AGBL1: variants seen among roughly 807,000 people sequenced by gnomAD.
AGBL1 encodes the protein cytosolic carboxypeptidase 4.
A neutral mutation model predicts 118.9 loss-of-function variants in AGBL1; 130 were observed. That is an observed-to-expected ratio of 1.09 (90% CI 0.95 to 1.26). The LOEUF (loss-of-function observed/expected upper bound fraction) is 1.26. AGBL1 is among the 50% of genes most tolerant of loss of function. AGBL1 has a pLI of 0.00. For synonymous variants in AGBL1, 555 were observed against 478.9 expected (o/e 1.16, Z -2.08); for missense variants, 1,584 against 1,298.1 (o/e 1.22, Z -3.38).
At position 86,680,453 on chromosome 15, in the gene AGBL1, G is replaced by A. The variant is rs28584925; in HGVS notation, c.3158+6017G>A. Among the ~76,000 whole-genome samples the A allele has an allele frequency of 2.3e-3, 351 of 151,760 alleles. 2 individuals are homozygous for A. Among genetic ancestry groups the A allele is most frequent in the African/African-American group, 7.9e-3 (328 of 41,402 alleles). On this transcript the variant is annotated intron_variant, in intron 22 of 22. Coordinates refer to ENST00000614907, the MANE Select transcript of AGBL1 (RefSeq NM_001386094.1). The stretch of plus-strand genomic sequence containing the variant: ...GGTAACACATTAAAACAATGTAGAC[G>A]TGGCCAAATTTACTCTGGTATGTAA...
intron 24 of AGBL1, among the ~76,000 whole-genome samples, chr15:87,018,588 C>T (rs1022905201): frequency 6.6e-6 from 1 of 152,098 alleles, no homozygotes; most frequent in African/African-American, 2.4e-5. Context: ...ACCAGACCTG[C>T]CTTGCAAGAG....
At chr15:86,495,399 T>A (rs28367206) in intron 18 of AGBL1, among the ~76,000 whole-genome samples, 21,672 of 147,002 alleles carry the variant, frequency 0.15, 1,649 homozygotes, top group South Asian at 0.23. Context: ...ATCTTTTTTT[T>A]AAAAAAAAAA....
chr15:86,598,844 A>G (rs138289570), intron 21 of AGBL1, among the ~76,000 whole-genome samples: 3 of 152,300 alleles, frequency 2.0e-5, no homozygotes, highest in African/African-American at 7.2e-5. Flanking sequence ...ATTAGGGTCA[A>G]CTGTTGAATT....
chr15:86,781,608 C>T (rs1346850166), intron 22 of AGBL1, among the ~76,000 whole-genome samples: 1 of 152,096 alleles, frequency 6.6e-6, no homozygotes, highest in Non-Finnish European at 1.5e-5. Context: ...CTCTACATAC[C>T]TTTCTAGGAC....
At chr15:86,288,272 C>T (rs942683909) in intron 16 of AGBL1, among the ~76,000 whole-genome samples, 2 of 152,240 alleles carry the variant, frequency 1.3e-5, no homozygotes, top group Admixed American at 1.3e-4. Context: ...CAGCACTATC[C>T]ATACCTTCTT....
At chr15:86,820,584 C>T (rs1245685202) in intron 22 of AGBL1, among the ~76,000 whole-genome samples, 2 of 152,174 alleles carry the variant, frequency 1.3e-5, no homozygotes, top group Non-Finnish European at 2.9e-5. Flanking sequence ...AAAAAAAGCT[C>T]ATCACCATGT....
chr15:86,831,007 G>A (rs1386815365), intron 22 of AGBL1, among the ~76,000 whole-genome samples: 1 of 152,194 alleles, frequency 6.6e-6, no homozygotes, highest in Non-Finnish European at 1.5e-5. Context: ...AATTATGGCA[G>A]AAGGCAAAGG....
intron 7 of AGBL1, among the ~76,000 whole-genome samples, chr15:86,255,612 G>A (rs545356275): frequency 1.5e-4 from 23 of 152,214 alleles, no homozygotes; most frequent in Middle Eastern, 3.4e-3. Flanking sequence ...GGGAAACCCC[G>A]TCTCTATTCA....
intron 22 of AGBL1, among the ~76,000 whole-genome samples, chr15:86,862,785 A>G (rs2079576950): frequency 6.6e-6 from 1 of 152,208 alleles, no homozygotes; most frequent in African/African-American, 2.4e-5. Flanking sequence ...GGCCACAAGC[A>G]TTTACGTAAC....
chr15:86,496,635 T>C (rs929382242), intron 18 of AGBL1, among the ~76,000 whole-genome samples: 14 of 152,062 alleles, frequency 9.2e-5, no homozygotes, highest in Non-Finnish European at 1.5e-4. Flanking sequence ...CCTTGGATTA[T>C]ACACTTTTTA....
At chr15:86,159,675 A>T (rs1456720381) in intron 5 of AGBL1, among the ~76,000 whole-genome samples, 1 of 152,038 alleles carries the variant, frequency 6.6e-6, no homozygotes, top group East Asian at 1.9e-4. Context: ...GACTATTAAG[A>T]TCTATCATTT....
At chr15:86,846,006 C>T (rs1014061867) in intron 22 of AGBL1, among the ~76,000 whole-genome samples, 6 of 152,210 alleles carry the variant, frequency 3.9e-5, no homozygotes, top group Non-Finnish European at 1.5e-5. Flanking sequence ...GAGACTGTCT[C>T]CTTCAGTTTG....
chr15:86,510,478 C>T (rs1418834048), intron 18 of AGBL1, among the ~76,000 whole-genome samples: 2 of 152,120 alleles, frequency 1.3e-5, no homozygotes, highest in Admixed American at 6.6e-5. Flanking sequence ...CATTACAGGA[C>T]TCTAATTTCT....
chr15:86,397,317 A>G (rs769939192), intron 17 of AGBL1, 49 bp from the exon 18 acceptor site: 3 of 1,307,584 alleles, frequency 2.3e-6, no homozygotes, highest in Non-Finnish European at 3.0e-6. Flanking sequence ...TATAAAATAG[A>G]GCAATATTAA....
intron 7 of AGBL1, among the ~76,000 whole-genome samples, chr15:86,256,509 C>T (rs1178436552): frequency 6.6e-6 from 1 of 152,190 alleles, no homozygotes; most frequent in African/African-American, 2.4e-5. Flanking sequence ...AAGACACCGG[C>T]CTCCTCTTCC....
chr15:86,149,064 G>C (rs1484867561), intron 3 of AGBL1, among the ~76,000 whole-genome samples: 1 of 152,140 alleles, frequency 6.6e-6, no homozygotes, highest in Non-Finnish European at 1.5e-5. Flanking sequence ...ATCTTTTACA[G>C]ACAAGAAAAT....
intron 22 of AGBL1, among the ~76,000 whole-genome samples, chr15:86,879,873 C>G (rs1358591219): frequency 6.6e-6 from 1 of 152,120 alleles, no homozygotes; most frequent in African/African-American, 2.4e-5. Context: ...GCCAGAATAC[C>G]CATGGGACCA....
chr15:86,733,802 T>C (rs1401128773), intron 22 of AGBL1, among the ~76,000 whole-genome samples: 3 of 152,202 alleles, frequency 2.0e-5, no homozygotes, highest in Admixed American at 2.0e-4. Flanking sequence ...TGTAGTATTT[T>C]ATCCTGGTTA....
In AGBL1 at chr15:86,256,990, C is replaced by T; in HGVS notation, c.873C>T (p.Thr291=). The change falls in exon 8 of 23, where the codon ACC becomes ACT. Residue 291 remains threonine (T), a synonymous_variant. Coordinates refer to ENST00000614907, the MANE Select transcript of AGBL1 (RefSeq NM_001386094.1). ...CCTTCCCGGTCCCCGGGTGCATCAC[C>T]ACTGAACCTCCACATGATCTACCTG... ...AYAFPVPGCI[T]TEPPHDLPEE... 6.2e-7 allele frequency: 1 copy of T among 1,613,928 alleles called. No homozygotes were observed. The highest frequency in any genetic ancestry group is 8.5e-7 in the Non-Finnish European group (1 of 1,179,844).
Sources: allele counts gnomAD v4.1 joint callset (sites outside exome capture counted in the v4.1 genomes callset), GRCh38; gene constraint gnomAD v4.1.1; transcripts MANE v1.5; gene names NCBI Gene and HGNC (gene_info 2026-07-23, HGNC 2026-07-21).